TNFAIP8: variants seen among roughly 807,000 people sequenced by gnomAD.
TNFAIP8 encodes the protein TNF alpha induced protein 8.
A neutral mutation model predicts 13.3 loss-of-function variants in TNFAIP8; 7 were observed. That is an observed-to-expected ratio of 0.52 (90% CI 0.30 to 0.99). The LOEUF (loss-of-function observed/expected upper bound fraction) is 0.99. Ranked by LOEUF, TNFAIP8 falls within the 50% of genes least tolerant of loss-of-function variation. The pLI, the probability that TNFAIP8 is intolerant of heterozygous loss-of-function variation, is 0.07. For missense variants in TNFAIP8, 258 were observed against 236.9 expected, an observed-to-expected ratio of 1.09 and a Z score of -0.58; for synonymous variants, 94 against 87.6, an observed-to-expected ratio of 1.07 and a Z score of -0.41.
chr5:119,285,114 A>G (rs1185918584), intron 1 of TNFAIP8, among the ~76,000 whole-genome samples: 2 of 152,136 alleles, frequency 1.3e-5, no homozygotes, highest in Non-Finnish European at 2.9e-5. Context: ...GGACGCAGCC[A>G]TTATTTGGTA....
intron 1 of TNFAIP8, among the ~76,000 whole-genome samples, chr5:119,372,283 C>T (rs1292511187): frequency 6.8e-6 from 1 of 147,528 alleles, no homozygotes; most frequent in Non-Finnish European, 1.5e-5. Context: ...GAGATCGTGC[C>T]ACTTCACTCC....
chr5:119,326,187 T>G (rs2052473), intron 1 of TNFAIP8, among the ~76,000 whole-genome samples: 31,435 of 152,076 alleles, frequency 0.21, 3,837 homozygotes, highest in East Asian at 0.39. Flanking sequence ...CCCTGTCGTT[T>G]AGGAATGTGT....
At chr5:119,327,519 C>T (rs1410201603) in intron 1 of TNFAIP8, among the ~76,000 whole-genome samples, 4 of 152,132 alleles carry the variant, frequency 2.6e-5, no homozygotes, top group Non-Finnish European at 4.4e-5. Context: ...AGTGCAGTGG[C>T]GCGATCTCTG....
rs1355478317 is a variant in TNFAIP8 at position 119,384,713 on chromosome 5, C to A, written c.32-8103C>A. 3.9e-5 allele frequency among the ~76,000 whole-genome samples: 6 copies of A among 152,174 alleles called. No individual in the cohort carries two copies. In the East Asian group the frequency reaches 1.2e-3, roughly 29 times the overall value. ...ATCCTAATATTTTGAGACTGACAGT[C>A]TTTGAGGTCCAACCATACTGCTTTA... On this transcript the variant is annotated intron_variant, in intron 1 of 1. Coordinates refer to ENST00000504771, the MANE Select transcript of TNFAIP8 (RefSeq NM_014350.4).
chr5:119,341,255 T>C (rs983901923), intron 1 of TNFAIP8, among the ~76,000 whole-genome samples: 10 of 152,154 alleles, frequency 6.6e-5, no homozygotes, highest in African/African-American at 2.2e-4. Context: ...TGTTAGTCTA[T>C]ATAAGTCAAT....
intron 1 of TNFAIP8, among the ~76,000 whole-genome samples, chr5:119,333,021 T>C (rs901012788): frequency 6.6e-6 from 1 of 151,614 alleles, no homozygotes; most frequent in African/African-American, 2.4e-5. Flanking sequence ...TAGACGTTCA[T>C]GTTTATACAG....
chr5:119,336,724 T>A (rs1750561889), intron 1 of TNFAIP8, among the ~76,000 whole-genome samples: 1 of 152,214 alleles, frequency 6.6e-6, no homozygotes, highest in Admixed American at 6.5e-5. Context: ...ATAAAATTTC[T>A]ACAGTCCTAA....
chr5:119,363,376 A>G (rs1175779389), intron 1 of TNFAIP8, among the ~76,000 whole-genome samples: 2 of 152,186 alleles, frequency 1.3e-5, no homozygotes, highest in African/African-American at 4.8e-5. Flanking sequence ...CCAGGAGGTG[A>G]CTGCCCTGCC....
intron 1 of TNFAIP8, among the ~76,000 whole-genome samples, chr5:119,296,624 G>A (rs900936304): frequency 2.6e-5 from 4 of 152,134 alleles, no homozygotes; most frequent in Non-Finnish European, 5.9e-5. Context: ...TTGGTATCAG[G>A]ATGATGCTGG....
At chr5:119,274,007 A>G (rs1277291834) in intron 1 of TNFAIP8, among the ~76,000 whole-genome samples, 1 of 152,068 alleles carries the variant, frequency 6.6e-6, no homozygotes, top group African/African-American at 2.4e-5. Flanking sequence ...ACTCTTATTT[A>G]TCATTTGTTT....
At chr5:119,333,400 C>G (rs1429074872) in intron 1 of TNFAIP8, 4 of 1,344,666 alleles carry the variant, frequency 3.0e-6, no homozygotes, top group Admixed American at 6.9e-5. Flanking sequence ...TGTAGTTGAC[C>G]AGTGCCTTCT....
At chr5:119,275,238 A>G (rs554212791) in intron 1 of TNFAIP8, among the ~76,000 whole-genome samples, 57 of 152,318 alleles carry the variant, frequency 3.7e-4, no homozygotes, top group African/African-American at 1.3e-3. Flanking sequence ...CAACCAAAAC[A>G]ATTAGTGGTG....
chr5:119,393,240 T>A lies in TNFAIP8; in HGVS notation c.456T>A (p.His152Gln), dbSNP rs771426235. 1.2e-6 allele frequency: 2 copies of A among 1,614,002 alleles called. No individual in the cohort carries two copies. Among genetic ancestry groups the A allele is most frequent in the Non-Finnish European group, 8.5e-7 (1 of 1,179,886 alleles). Reference protein sequence around the residue: ...IIQRHLTAKSHGRVNNVFDHF... With the variant: ...IIQRHLTAKSQGRVNNVFDHF... ...AGCGCCACCTCACTGCCAAGTCACA[T>A]GGACGGGTTAATAATGTGTTTGATC... Residue 152 changes from histidine (H) to glutamine (Q), a missense_variant, in exon 2 of 2, where the codon CAT (histidine) becomes CAA (glutamine). Physicochemically the swap from His to Gln is conservative, Grantham distance 24 (BLOSUM62 0). Coordinates refer to ENST00000504771, the MANE Select transcript of TNFAIP8 (RefSeq NM_014350.4).
intron 1 of TNFAIP8, among the ~76,000 whole-genome samples, chr5:119,357,395 A>C (rs1299901665): frequency 1.3e-5 from 2 of 152,136 alleles, no homozygotes; most frequent in African/African-American, 4.8e-5. Flanking sequence ...TTATACCAGC[A>C]GTTTATTCAA....
rs559256652 is a variant in TNFAIP8 at position 119,396,451 on chromosome 5, C to G, written c.*3070C>G. 1.1e-4 allele frequency: 16 copies of G among 152,330 alleles called. No homozygotes were observed. Among genetic ancestry groups the G allele is most frequent in the African/African-American group, 3.6e-4 (15 of 41,568 alleles). The allele number at this position is 152,330 out of a possible 1,614,324, so 9.4% of individuals were successfully genotyped here. A position where few individuals can be genotyped will look rare whatever the true frequency, so the allele number is the denominator to read the frequency against. ...ACGTTGACTTCTGAGGTGCAGTGAG[C>G]TGCTCCCCCACAGCTGTCCCTAGCA... On this transcript the variant is annotated 3_prime_UTR_variant, in exon 2 of 2. Transcript: ENST00000504771.
chr5:119,287,350 A>G (rs6883353), intron 1 of TNFAIP8, among the ~76,000 whole-genome samples: 10,178 of 123,374 alleles, frequency 0.082, 852 homozygotes, highest in African/African-American at 0.23. Context: ...TAAAAATTGT[A>G]TATATTCAAG....
At chr5:119,286,979 C>A (rs981403612) in intron 1 of TNFAIP8, among the ~76,000 whole-genome samples, 1 of 152,150 alleles carries the variant, frequency 6.6e-6, no homozygotes, top group Non-Finnish European at 1.5e-5. Flanking sequence ...ATTTCTAAAC[C>A]CTGCATTGTT....
At chr5:119,299,264 G>A (rs1488310597) in intron 1 of TNFAIP8, among the ~76,000 whole-genome samples, 1 of 152,096 alleles carries the variant, frequency 6.6e-6, no homozygotes, top group Non-Finnish European at 1.5e-5. Context: ...TTTGATGATG[G>A]TGATGTACAG....
At chr5:119,371,917 C>A (rs767351182) in intron 1 of TNFAIP8, among the ~76,000 whole-genome samples, 1 of 151,766 alleles carries the variant, frequency 6.6e-6, no homozygotes, top group East Asian at 1.9e-4. Flanking sequence ...GCGGGCAGAT[C>A]ACAAAGTCAG....
Sources: allele counts gnomAD v4.1 joint callset (sites outside exome capture counted in the v4.1 genomes callset), GRCh38; gene constraint gnomAD v4.1.1; transcripts MANE v1.5; gene names NCBI Gene and HGNC (gene_info 2026-07-23, HGNC 2026-07-21).